The following ABCC1 variants were observed in gnomAD, a reference collection of about 807,000 sequenced individuals.
ABCC1 encodes the protein ATP binding cassette subfamily C member 1 (ABCC1 blood group).
In ABCC1, 83 loss-of-function variants were observed where a neutral mutation model predicts 172.9. The ratio of observed to expected loss-of-function variants is 0.48; its 90% CI spans 0.40 to 0.58. The LOEUF (loss-of-function observed/expected upper bound fraction) is 0.58, where lower values mean the gene tolerates loss of function less well. Ranked by LOEUF, ABCC1 falls within the 20% of genes least tolerant of loss-of-function variation. The pLI, the probability that ABCC1 is intolerant of heterozygous loss-of-function variation, is 0.00. For synonymous variants in ABCC1, 937 were observed against 825.2 expected, an observed-to-expected ratio of 1.14 and a Z score of -2.32; for missense variants, 1,817 against 2,002.7, an observed-to-expected ratio of 0.91 and a Z score of 1.77.
intron 1 of ABCC1, among the ~76,000 whole-genome samples, chr16:15,988,925 C>G (rs1286407815): frequency 2.6e-5 from 4 of 151,782 alleles, no homozygotes; most frequent in Admixed American, 2.0e-4. Context: ...AAAAATTAAC[C>G]AGGCTTGGTG....
Position 16,141,468 on chromosome 16 carries a change from G to C in ABCC1, c.*187G>C, listed in dbSNP as rs1252418354. The C allele has an allele frequency of 3.3e-6, 2 of 600,912 alleles. No homozygotes were observed. The highest frequency in any genetic ancestry group is 3.7e-5 in the African/African-American group (2 of 53,800). 37.2% of individuals were successfully genotyped at this position (600,912 alleles called of 1,614,324 possible). On this transcript the variant is annotated 3_prime_UTR_variant, in exon 31 of 31. Coordinates refer to ENST00000399410, the MANE Select transcript of ABCC1 (RefSeq NM_004996.4). ...CGGTCCCCTGCCTGGAACTGGCTGT[G>C]AAGACCCAGGAGAGACAGAGATGCG...
chr16:15,981,151 C>A (rs1237445469), intron 1 of ABCC1, among the ~76,000 whole-genome samples: 1 of 152,256 alleles, frequency 6.6e-6, no homozygotes, highest in African/African-American at 2.4e-5. Flanking sequence ...CAGGGTACAG[C>A]CCCCATCAAG....
At chr16:16,019,708 C>A (rs1173479129) in intron 5 of ABCC1, among the ~76,000 whole-genome samples, 1 of 152,174 alleles carries the variant, frequency 6.6e-6, no homozygotes, top group Non-Finnish European at 1.5e-5. Context: ...CTGACTTGGA[C>A]CTTTTTTTGT....
intron 1 of ABCC1, among the ~76,000 whole-genome samples, chr16:15,975,346 G>A (rs948646948): frequency 3.3e-5 from 5 of 151,986 alleles, no homozygotes; most frequent in African/African-American, 1.2e-4. Flanking sequence ...AGTTCTCCTG[G>A]TTTTTTGCTG....
chr16:15,995,736 T>C (rs2047033153), intron 1 of ABCC1, among the ~76,000 whole-genome samples: 1 of 152,156 alleles, frequency 6.6e-6, no homozygotes, highest in Non-Finnish European at 1.5e-5. Context: ...GGTGCAGTCA[T>C]AGCTCACTGC....
At chr16:16,111,177 G>A (rs951270827) in intron 21 of ABCC1, among the ~76,000 whole-genome samples, 198 bp from the exon 22 acceptor site, 1 of 152,202 alleles carries the variant, frequency 6.6e-6, no homozygotes, top group Non-Finnish European at 1.5e-5. Context: ...GGGATTACAG[G>A]TGTGAGCCAC....
At chr16:15,996,755 G>A (rs2047068916) in intron 1 of ABCC1, among the ~76,000 whole-genome samples, 1 of 152,090 alleles carries the variant, frequency 6.6e-6, no homozygotes, top group Admixed American at 6.6e-5. Flanking sequence ...CCCGGTGCAC[G>A]AGGACTTCCA....
chr16:16,047,380 C>T (rs958180737), intron 9 of ABCC1, among the ~76,000 whole-genome samples: 16 of 152,134 alleles, frequency 1.1e-4, no homozygotes, highest in African/African-American at 3.9e-4. Context: ...CAGCCTCCAC[C>T]TCCTGGGCTC....
At chr16:16,092,465 A>G (rs1370801881) in intron 19 of ABCC1, among the ~76,000 whole-genome samples, 6 of 152,192 alleles carry the variant, frequency 3.9e-5, no homozygotes, top group African/African-American at 2.4e-5. Context: ...GACATTTCAT[A>G]TAAATGCCAT....
At chr16:16,018,438 A>G (rs1227114042) in intron 5 of ABCC1, among the ~76,000 whole-genome samples, 1 of 152,086 alleles carries the variant, frequency 6.6e-6, no homozygotes, top group Non-Finnish European at 1.5e-5. Flanking sequence ...AATCCCAGCT[A>G]GTCGGGAGGC....
intron 7 of ABCC1, among the ~76,000 whole-genome samples, chr16:16,041,851 C>T (rs150879295): frequency 3.9e-5 from 6 of 152,188 alleles, no homozygotes; most frequent in East Asian, 1.9e-4. Context: ...AATTGCAGTA[C>T]GTTGGGAGGC....
rs1165676104 is a variant in ABCC1 at position 16,134,424 on chromosome 16, C to T, written c.4041C>T (p.Ala1347=). 29 of 1,613,972 alleles carry T rather than the reference C, an allele frequency of 1.8e-5. No individual in the cohort carries two copies. Among genetic ancestry groups the T allele is most frequent in the Middle Eastern group, 1.6e-4 (1 of 6,084 alleles). ...GCTTATTTCGGATCAACGAGTCTGC[C>T]GAAGGAGAGATCATCATCGATGGCA... is the stretch of plus-strand genomic sequence containing the variant. The part of the protein sequence containing the change: ...TLGLFRINES[A]EGEIIIDGIN... The change falls in exon 28 of 31, where the codon GCC becomes GCT. Residue 1347 remains alanine, a synonymous_variant. Transcript: ENST00000399410.
chr16:16,129,581 AGACTGGAGT>A (rs1024246359), intron 26 of ABCC1, among the ~76,000 whole-genome samples: 13 of 147,460 alleles, frequency 8.8e-5, no homozygotes, highest in Non-Finnish European at 1.8e-4. Context: ...TGTGTCACCC[AGACTGGAGT>A]GTAGTGGTTT....
chr16:16,068,848 G>A (rs144927264), intron 13 of ABCC1, among the ~76,000 whole-genome samples: 3,382 of 152,034 alleles, frequency 0.022, 52 homozygotes, highest in Non-Finnish European at 0.035. Context: ...TTAGCCAGGT[G>A]TGGTGGCGGG....
At chr16:16,066,756 T>G (rs1403160445) in intron 12 of ABCC1, among the ~76,000 whole-genome samples, 1 of 151,220 alleles carries the variant, frequency 6.6e-6, no homozygotes, top group African/African-American at 2.4e-5. Flanking sequence ...ACAAAAAGAT[T>G]AGCTGGGCAT....
chr16:16,072,544 C>A (rs1352342805), intron 14 of ABCC1, among the ~76,000 whole-genome samples: 7 of 150,392 alleles, frequency 4.7e-5, no homozygotes, highest in African/African-American at 1.7e-4. Flanking sequence ...TGCTTTGTTC[C>A]TCAAGTTGGT....
intron 13 of ABCC1, among the ~76,000 whole-genome samples, chr16:16,069,586 C>T (rs1279689400): frequency 2.6e-5 from 4 of 151,874 alleles, no homozygotes; most frequent in Admixed American, 1.3e-4. Flanking sequence ...ACTACATAGG[C>T]AAATCAACCG....
chr16:16,044,770 G>A (rs1284471108), intron 8 of ABCC1, 90 bp downstream of exon 8: 5 of 1,173,426 alleles, frequency 4.3e-6, no homozygotes, highest in Non-Finnish European at 6.2e-6. Context: ...GGGTCATGCT[G>A]TGTCCTGAAG....
At chr16:16,125,098 T>C (rs2045372245) in intron 25 of ABCC1, among the ~76,000 whole-genome samples, 183 bp downstream of exon 25, 1 of 152,126 alleles carries the variant, frequency 6.6e-6, no homozygotes, top group Non-Finnish European at 1.5e-5. Context: ...GGATTTGACA[T>C]GTGGCCAGGA....
Sources: allele counts gnomAD v4.1 joint callset (sites outside exome capture counted in the v4.1 genomes callset), GRCh38; gene constraint gnomAD v4.1.1; transcripts MANE v1.5; gene names NCBI Gene and HGNC (gene_info 2026-07-23, HGNC 2026-07-21).